The following TK2 variants were observed in gnomAD, a reference collection of about 807,000 sequenced individuals.
TK2 encodes thymidine kinase 2, mitochondrial.
TK2 carries 35 observed loss-of-function variants against 41.9 expected under a neutral mutation model. The ratio of observed to expected loss-of-function variants is 0.84; its 90% CI spans 0.64 to 1.11. The LOEUF (loss-of-function observed/expected upper bound fraction) is 1.11, where lower values mean the gene tolerates loss of function less well. Among genes scored for constraint, TK2 ranks in the 50% least tolerant of loss-of-function variants. TK2 has a pLI of 0.00. For missense variants in TK2, 320 were observed against 351.1 expected, an observed-to-expected ratio of 0.91 and a Z score of 0.71; for synonymous variants, 128 against 129.1, an observed-to-expected ratio of 0.99 and a Z score of 0.06.
intron 6 of TK2, among the ~76,000 whole-genome samples, chr16:66,523,970 C>T (rs1964857672): frequency 6.6e-6 from 1 of 152,364 alleles, no homozygotes; most frequent in South Asian, 2.1e-4. Flanking sequence ...CCCTTTATCC[C>T]TTCTGTGGCT....
chr16:66,548,682 CA>C (rs1567542995), intron 2 of TK2: 2 of 395,632 alleles, frequency 5.1e-6, no homozygotes, highest in African/African-American at 4.1e-5. Flanking sequence ...CCCCACAACA[CA>C]ATGAGCGTTT....
chr16:66,526,657 T>C (rs867816396), intron 6 of TK2, among the ~76,000 whole-genome samples: 1 of 151,830 alleles, frequency 6.6e-6, no homozygotes, highest in Admixed American at 6.6e-5. Flanking sequence ...GAGGCTGAGG[T>C]AGGAGGATCT....
intron 3 of TK2, among the ~76,000 whole-genome samples, chr16:66,540,948 T>G (rs1567538964): frequency 6.6e-6 from 1 of 152,202 alleles, no homozygotes; most frequent in African/African-American, 2.4e-5. Context: ...TTACACTTAT[T>G]TTACAAATAC....
intron 3 of TK2, among the ~76,000 whole-genome samples, chr16:66,537,272 A>T (rs1268573320): frequency 6.6e-6 from 1 of 152,302 alleles, no homozygotes; most frequent in African/African-American, 2.4e-5. Context: ...TGCCAAGCAT[A>T]GGTACATCCT....
intron 8 of TK2, among the ~76,000 whole-genome samples, chr16:66,515,134 T>C (rs903770808): frequency 1.4e-5 from 2 of 139,436 alleles, no homozygotes; most frequent in African/African-American, 5.4e-5. Flanking sequence ...CAAATCCCCC[T>C]CTCCGAGAAA....
At chr16:66,549,592 A>C in intron 1 of TK2, 1 of 1,105,960 alleles carries the variant, frequency 9.0e-7, no homozygotes. Context: ...TGTGAGCAGA[A>C]TCGGCTTAAG....
chr16:66,533,103 T>C (rs1393244836), intron 4 of TK2, among the ~76,000 whole-genome samples: 1 of 145,702 alleles, frequency 6.9e-6, no homozygotes, highest in Non-Finnish European at 1.5e-5. Flanking sequence ...AGAGTCTTGC[T>C]CTGTCACCCA....
Position 66,550,104 on chromosome 16 carries a change from C to T in TK2, c.-43G>A. The T allele has an allele frequency of 1.2e-6, 2 of 1,608,156 alleles. No homozygotes were observed. The highest frequency in any genetic ancestry group is 2.2e-5 in the South Asian group (2 of 90,078). ...CAGAGGCCCGGGGTTCCTTCTTGTG[C>T]GAGTCGGCGCGGACGACTGCTAGTC... On this transcript the variant is annotated 5_prime_UTR_variant, in exon 1 of 10. Transcript: ENST00000544898.
intron 2 of TK2, chr16:66,546,470 C>T (rs1327406290): frequency 2.0e-5 from 3 of 152,156 alleles, no homozygotes; most frequent in Non-Finnish European, 4.4e-5. Flanking sequence ...CTCTCTCTTA[C>T]ATGCTCCTTG....
chr16:66,526,264 G>C (rs1017545514), intron 6 of TK2, among the ~76,000 whole-genome samples: 1 of 152,208 alleles, frequency 6.6e-6, no homozygotes, highest in South Asian at 2.1e-4. Flanking sequence ...CAGGTCCAAA[G>C]GCTCTTCAGA....
chr16:66,509,956 C>T lies in TK2; in HGVS notation c.*2012G>A, dbSNP rs941716700. 3.3e-5 allele frequency: 5 copies of T among 152,292 alleles called. No individual in the cohort carries two copies. The highest frequency in any genetic ancestry group is 1.2e-4 in the African/African-American group (5 of 41,454). 9.4% of individuals were successfully genotyped at this position (152,292 alleles called of 1,614,324 possible). On this transcript the variant is annotated 3_prime_UTR_variant, in exon 10 of 10. Coordinates refer to ENST00000544898, the MANE Select transcript of TK2 (RefSeq NM_004614.5). ...GGCCACTGCTGATGCGTCCAGCCTC[C>T]TCTCCAAGGTGGAAGGCAGGGAGGA...
rs1184738799 is a variant in TK2 at position 66,514,127 on chromosome 16, CCCCTCT to C, written c.619-322_619-317del. On this transcript the variant is annotated intron_variant, in intron 8 of 9. Coordinates refer to ENST00000544898, the MANE Select transcript of TK2 (RefSeq NM_004614.5). The surrounding 1 kb of genome is among the most constrained non-coding windows in gnomAD (Gnocchi z 4.2). The stretch of plus-strand genomic sequence containing the variant: ...CAAAAGGCAGGACCCCCTCCCCCTC[CCCCTCT>C]CCCTCTCCCCTTTGCACGGTTTCCC... Among the ~76,000 whole-genome samples, 977 of 152,114 alleles carry C rather than the reference CCCCTCT, an allele frequency of 6.4e-3. 9 individuals are homozygous for C. The highest frequency in any genetic ancestry group is 0.021 in the African/African-American group (878 of 41,488).
Position 66,512,002 on chromosome 16 carries a change from A to T in TK2, c.764T>A (p.Ile255Lys). 6.2e-7 allele frequency: 1 copy of T among 1,614,206 alleles called. No individual in the cohort carries two copies. Among genetic ancestry groups the T allele is most frequent in the South Asian group, 1.1e-5 (1 of 91,080 alleles). The change falls in exon 10 of 10, where the codon ATA becomes AAA. Residue 255 changes from isoleucine to lysine, a missense_variant. Coordinates refer to ENST00000544898, the MANE Select transcript of TK2 (RefSeq NM_004614.5). ...ATGCTTCCGATTCTCTGGAGTTAAT[A>T]TTCGATCCCGATTTTGTTCAAAGAG... ...LELFEQNRDRILTPENRKHCP is the reference protein window; with the variant it reads ...LELFEQNRDRKLTPENRKHCP
intron 6 of TK2, among the ~76,000 whole-genome samples, chr16:66,526,419 G>A (rs1403481022): frequency 1.3e-5 from 2 of 152,128 alleles, no homozygotes; most frequent in Non-Finnish European, 2.9e-5. Context: ...TTAACCTCTG[G>A]TCATTCCATT....
Position 66,511,980 on chromosome 16 carries a change from C to G in TK2, c.786G>C (p.Lys262Asn), listed in dbSNP as rs1001625307. Residue 262 changes from lysine (K) to asparagine (N), a missense_variant, in exon 10 of 10, where the codon AAG (lysine) becomes AAC (asparagine). By Grantham distance (94) the Lys-to-Asn change is moderately conservative. Transcript: ENST00000544898. ...GACCTTTTGCCTCCTATGGGCAATG[C>G]TTCCGATTCTCTGGAGTTAATATTC... ...RDRILTPENR[K>N]HCP The G allele has an allele frequency of 1.2e-6, 2 of 1,614,192 alleles. No individual in the cohort carries two copies. Among genetic ancestry groups the G allele is most frequent in the Middle Eastern group, 1.7e-4 (1 of 6,060 alleles).
chr16:66,530,243 C>T (rs548593195), intron 5 of TK2, among the ~76,000 whole-genome samples: 10 of 152,302 alleles, frequency 6.6e-5, no homozygotes, highest in African/African-American at 1.9e-4. Flanking sequence ...AGACTGGGAC[C>T]GAACTGTCCA....
chr16:66,548,671 T>G, intron 2 of TK2: 1 of 359,020 alleles, frequency 2.8e-6, no homozygotes, highest in Non-Finnish European at 5.2e-6. Context: ...AAACTGACCT[T>G]CCCCACAACA....
At chr16:66,525,098 C>T (rs1964892693) in intron 6 of TK2, 1 of 152,296 alleles carries the variant, frequency 6.6e-6, no homozygotes, top group African/African-American at 2.4e-5. Context: ...AATGCAGCTC[C>T]TGTCCATGGG....
intron 6 of TK2, among the ~76,000 whole-genome samples, chr16:66,519,720 T>C (rs945223157): frequency 6.6e-6 from 1 of 152,024 alleles, no homozygotes. Context: ...CCCTTTAACA[T>C]CCTCCATTCC....
Sources: allele counts gnomAD v4.1 joint callset (sites outside exome capture counted in the v4.1 genomes callset), GRCh38; gene constraint gnomAD v4.1.1; non-coding constraint Gnocchi (gnomAD v3.1); transcripts MANE v1.5; gene names NCBI Gene and HGNC (gene_info 2026-07-23, HGNC 2026-07-21).